The following SLC24A3 variants were observed in gnomAD, a reference collection of about 807,000 sequenced individuals.
The protein encoded by SLC24A3 is sodium/potassium/calcium exchanger 3.
A neutral mutation model predicts 75.8 loss-of-function variants in SLC24A3; 28 were observed. That is an observed-to-expected ratio of 0.37 (90% confidence interval 0.27 to 0.51). SLC24A3 has a LOEUF of 0.51. Ranked by LOEUF, SLC24A3 falls within the 20% of genes least tolerant of loss-of-function variation. The pLI is 0.94. For synonymous variants in SLC24A3, 372 were observed against 334.1 expected (o/e 1.11, Z -1.24); for missense variants, 663 against 847.8 (o/e 0.78, Z 2.71).
chr20:19,652,473 A>G (rs774735710), intron 6 of SLC24A3, among the ~76,000 whole-genome samples: 9 of 152,246 alleles, frequency 5.9e-5, no homozygotes, highest in Non-Finnish European at 1.0e-4. Flanking sequence ...AAGAGTTTAC[A>G]GTACTGAGAG....
chr20:19,253,488 C>T (rs537632504), intron 1 of SLC24A3, among the ~76,000 whole-genome samples: 3 of 152,302 alleles, frequency 2.0e-5, no homozygotes, highest in African/African-American at 7.2e-5. Context: ...GTTGTATTTG[C>T]TTCTGGCATT....
intron 6 of SLC24A3, among the ~76,000 whole-genome samples, chr20:19,599,591 G>A (rs1032045714): frequency 3.9e-5 from 6 of 152,232 alleles, no homozygotes; most frequent in Non-Finnish European, 8.8e-5. Flanking sequence ...GCTCATCTCT[G>A]AGTGGAACAC....
At chr20:19,604,076 G>A (rs145276926) in intron 6 of SLC24A3, among the ~76,000 whole-genome samples, 10 of 152,286 alleles carry the variant, frequency 6.6e-5, no homozygotes, top group East Asian at 1.9e-4. Context: ...TCTAGGGCTC[G>A]GGGATATGAT....
intron 2 of SLC24A3, among the ~76,000 whole-genome samples, chr20:19,293,517 G>A (rs771146216): frequency 1.4e-4 from 22 of 151,914 alleles, no homozygotes; most frequent in Non-Finnish European, 2.4e-4. Context: ...TTAGTTGGGC[G>A]TGGTGGCAGG....
intron 2 of SLC24A3, among the ~76,000 whole-genome samples, chr20:19,465,620 C>A (rs1321182601): frequency 6.6e-6 from 1 of 152,128 alleles, no homozygotes; most frequent in Non-Finnish European, 1.5e-5. Context: ...TCCGGGAAAA[C>A]AAGTTATGTT....
chr20:19,534,684 C>A (rs1412733116), intron 3 of SLC24A3, among the ~76,000 whole-genome samples: 1 of 152,154 alleles, frequency 6.6e-6, no homozygotes, highest in Non-Finnish European at 1.5e-5. Flanking sequence ...GAATTACAGG[C>A]CTGAGCCACC....
At chr20:19,346,093 A>ATATGGTGTGTGTGTGTGTG (rs1985395596) in intron 2 of SLC24A3, among the ~76,000 whole-genome samples, 1 of 72,160 alleles carries the variant, frequency 1.4e-5, no homozygotes, top group African/African-American at 1.2e-4. Context: ...ATATATATAT[A>ATATGGTGTGTGTGTGTGTG]TATATATATA....
At chr20:19,637,136 T>TA (rs35114088) in intron 6 of SLC24A3, among the ~76,000 whole-genome samples, 42,270 of 152,048 alleles carry the variant, frequency 0.28, 7,687 homozygotes, top group Non-Finnish European at 0.4. Flanking sequence ...CCGTCTCTAC[T>TA]AAAAAAATAC....
chr20:19,298,205 G>A (rs1328603677), intron 2 of SLC24A3, among the ~76,000 whole-genome samples: 1 of 152,244 alleles, frequency 6.6e-6, no homozygotes, highest in Non-Finnish European at 1.5e-5. Context: ...TAGATGTAGG[G>A]ATACAAGGCC....
chr20:19,313,220 A>G (rs1984504375), intron 2 of SLC24A3, among the ~76,000 whole-genome samples: 1 of 151,470 alleles, frequency 6.6e-6, no homozygotes. Context: ...ATTTTTATGG[A>G]GACAGCATTT....
chr20:19,585,152 A>G, intron 5 of SLC24A3, 97 bp downstream of exon 5: 1 of 1,087,976 alleles, frequency 9.2e-7, no homozygotes, highest in Non-Finnish European at 1.3e-6. Flanking sequence ...TCTGCCACTC[A>G]TAGAAAATGA....
At chr20:19,435,186 A>C (rs1327481351) in intron 2 of SLC24A3, among the ~76,000 whole-genome samples, 1 of 152,226 alleles carries the variant, frequency 6.6e-6, no homozygotes. Context: ...AAATCCTGGC[A>C]GAGCCAATTA....
chr20:19,683,053 G>A (rs1364356433), intron 10 of SLC24A3, among the ~76,000 whole-genome samples: 1 of 151,990 alleles, frequency 6.6e-6, no homozygotes, highest in Non-Finnish European at 1.5e-5. Flanking sequence ...AAAGAAATTA[G>A]AAAGATTATT....
chr20:19,631,791 A>AGTGTGTGTGTGTGTGTGTGTGT (rs148278633), intron 6 of SLC24A3, among the ~76,000 whole-genome samples: 7 of 147,836 alleles, frequency 4.7e-5, no homozygotes, highest in African/African-American at 1.8e-4. Flanking sequence ...TATGAGTGAG[A>AGTGTGTGTGTGTGTGTGTGTGT]GTGTGTGTGT....
At chr20:19,367,289 T>C (rs997430418) in intron 2 of SLC24A3, among the ~76,000 whole-genome samples, 8 of 152,216 alleles carry the variant, frequency 5.3e-5, no homozygotes, top group Non-Finnish European at 8.8e-5. Flanking sequence ...CAGGAGCCGA[T>C]TGGCTCCCCA....
chr20:19,599,231 C>T (rs905302031), intron 6 of SLC24A3, among the ~76,000 whole-genome samples: 1 of 152,168 alleles, frequency 6.6e-6, no homozygotes, highest in African/African-American at 2.4e-5. Flanking sequence ...CTCTGTGGGG[C>T]ACACATGAGT....
chr20:19,513,992 C>T (rs2029935025), intron 2 of SLC24A3, among the ~76,000 whole-genome samples: 1 of 152,226 alleles, frequency 6.6e-6, no homozygotes, highest in South Asian at 2.1e-4. Context: ...CTGTCCCCCA[C>T]TTGCTGTACT....
chr20:19,309,044 T>C (rs1984396273), intron 2 of SLC24A3, among the ~76,000 whole-genome samples: 1 of 152,232 alleles, frequency 6.6e-6, no homozygotes, highest in African/African-American at 2.4e-5. Flanking sequence ...ACATATGTTA[T>C]TTTACCGTCT....
chr20:19,690,030 CAAAAAAAA>C (rs538406361), intron 12 of SLC24A3, among the ~76,000 whole-genome samples: 4 of 87,826 alleles, frequency 4.6e-5, no homozygotes, highest in Non-Finnish European at 8.2e-5. Flanking sequence ...GACTCTGTCT[CAAAAAAAA>C]AAAAAAAAAA....
Sources: gnomAD v4.1 joint callset for allele counts (sites outside exome capture counted in the v4.1 genomes callset) on GRCh38, gnomAD v4.1.1 for gene constraint, MANE v1.5 for transcripts, NCBI Gene and HGNC (gene_info 2026-07-23, HGNC 2026-07-21) for gene names.